The following MAP4 variants were observed in gnomAD, a reference collection of about 807,000 sequenced individuals.
The protein encoded by MAP4 is microtubule associated protein 4.
Under a neutral mutation model 170.2 loss-of-function variants are expected in MAP4, and 76 were observed. The observed-to-expected ratio is 0.45, with a 90% CI of 0.37 to 0.54. The LOEUF (loss-of-function observed/expected upper bound fraction) is 0.54, where lower values mean the gene tolerates loss of function less well. Among genes scored for constraint, MAP4 ranks in the 20% least tolerant of loss-of-function variants. The probability of loss-of-function intolerance (pLI) is 0.00; values close to 1 mark genes in which losing one functional copy is unlikely to be tolerated. For synonymous variants in MAP4, 909 were observed against 994.5 expected (o/e 0.91, Z 1.62); for missense variants, 2,506 against 2,748.0 (o/e 0.91, Z 1.97).
intron 3 of MAP4, among the ~76,000 whole-genome samples, chr3:47,939,391 T>C (rs1276476594): frequency 6.6e-6 from 1 of 152,216 alleles, no homozygotes; most frequent in African/African-American, 2.4e-5. Context: ...GTGCTTTTAC[T>C]ACTTTTATTT....
intron 1 of MAP4, among the ~76,000 whole-genome samples, chr3:48,078,953 T>C (rs1216621391): frequency 6.6e-6 from 1 of 152,094 alleles, no homozygotes; most frequent in Non-Finnish European, 1.5e-5. Flanking sequence ...AAAAGATCAC[T>C]TGAGCCTAGG....
At chr3:47,985,180 T>C (rs968214909) in intron 2 of MAP4, among the ~76,000 whole-genome samples, 14 of 152,084 alleles carry the variant, frequency 9.2e-5, no homozygotes, top group African/African-American at 3.4e-4. Context: ...CTCGGGAGGC[T>C]GAGGCAGGAG....
intron 4 of MAP4, 89 bp downstream of exon 4, chr3:47,928,139 T>G (rs1275060411): frequency 1.4e-5 from 21 of 1,516,436 alleles, no homozygotes; most frequent in African/African-American, 2.8e-5. Flanking sequence ...ATACTTAAGC[T>G]AAAGCATTTT....
At chr3:48,030,136 C>T (rs1463816551) in intron 1 of MAP4, among the ~76,000 whole-genome samples, 1 of 149,768 alleles carries the variant, frequency 6.7e-6, no homozygotes, top group East Asian at 1.9e-4. Flanking sequence ...CGTCTGTAAT[C>T]CCACCACTTT....
At chr3:48,076,375 A>G (rs930065279) in intron 1 of MAP4, among the ~76,000 whole-genome samples, 3 of 151,796 alleles carry the variant, frequency 2.0e-5, no homozygotes, top group African/African-American at 7.3e-5. Context: ...GGTGGTGGGC[A>G]CCTGTAGTCC....
chr3:47,853,398 G>A, intron 19 of MAP4, 46 bp from the exon 20 acceptor site: 1 of 1,271,090 alleles, frequency 7.9e-7, no homozygotes, highest in Non-Finnish European at 1.1e-6. Flanking sequence ...AGTCGAGGGG[G>A]GGAGTGGGAT....
intron 3 of MAP4, among the ~76,000 whole-genome samples, chr3:47,962,106 C>T (rs2100071914): frequency 6.6e-6 from 1 of 152,136 alleles, no homozygotes; most frequent in African/African-American, 2.4e-5. Flanking sequence ...AACTTCCAGC[C>T]CCTTTTCCAG....
At chr3:48,036,239 T>C (rs1230850728) in intron 1 of MAP4, among the ~76,000 whole-genome samples, 6 of 152,236 alleles carry the variant, frequency 3.9e-5, no homozygotes, top group Non-Finnish European at 5.9e-5. Flanking sequence ...GCTATGATAA[T>C]AGCCTTTAAC....
intron 1 of MAP4, among the ~76,000 whole-genome samples, chr3:48,023,478 C>G (rs1385740886): frequency 2.6e-5 from 4 of 152,202 alleles, no homozygotes. Context: ...CTGAAATCAA[C>G]TGAAAGACTT....
intron 3 of MAP4, among the ~76,000 whole-genome samples, chr3:47,941,247 A>G (rs923957556): frequency 6.9e-6 from 1 of 145,066 alleles, no homozygotes; most frequent in East Asian, 2.0e-4. Context: ...AAAAAAAAAA[A>G]GGAAGAAGAA....
chr3:47,989,626 T>G (rs957971195), intron 2 of MAP4, among the ~76,000 whole-genome samples: 1 of 152,116 alleles, frequency 6.6e-6, no homozygotes, highest in Admixed American at 6.5e-5. Flanking sequence ...CTACTATACA[T>G]ACAACACCTC....
intron 1 of MAP4, among the ~76,000 whole-genome samples, chr3:48,085,959 G>A (rs1177122389): frequency 2.0e-5 from 3 of 152,190 alleles, no homozygotes; most frequent in Non-Finnish European, 4.4e-5. Flanking sequence ...GGCTGAGGCA[G>A]GAGAATCACT....
intron 9 of MAP4, among the ~76,000 whole-genome samples, chr3:47,903,449 C>T (rs1042086011): frequency 1.3e-5 from 2 of 150,626 alleles, no homozygotes; most frequent in South Asian, 2.1e-4. Flanking sequence ...AGGAGAACGG[C>T]GTGAACCTGG....
intron 1 of MAP4, among the ~76,000 whole-genome samples, chr3:48,061,520 G>A (rs1291157116): frequency 9.9e-5 from 15 of 152,206 alleles, no homozygotes; most frequent in Admixed American, 7.9e-4. Flanking sequence ...CTGGAGTGCA[G>A]TGGCGTGATC....
chr3:47,876,020 C>T (rs964969820), intron 11 of MAP4, 120 bp from the exon 12 acceptor site: 8 of 723,950 alleles, frequency 1.1e-5, no homozygotes, highest in Middle Eastern at 3.9e-4. Flanking sequence ...AAATTATAAG[C>T]AATGAGGATA....
intron 1 of MAP4, among the ~76,000 whole-genome samples, chr3:48,047,476 A>G (rs2100125194): frequency 6.6e-6 from 1 of 152,164 alleles, no homozygotes; most frequent in African/African-American, 2.4e-5. Flanking sequence ...GGAGGAAGCC[A>G]TGGTGGCTGA....
chr3:48,082,967 T>C lies in MAP4; in HGVS notation c.-20+5806A>G, dbSNP rs947165860. Reference sequence around the variant, plus strand: ...ACCAGAAAACCCAAAATGAGAACCATTCTACAAATGCATGACCACTCATCT... The same window carrying C: ...ACCAGAAAACCCAAAATGAGAACCACTCTACAAATGCATGACCACTCATCT... On this transcript the variant is annotated intron_variant, in intron 1 of 18. Coordinates refer to the MAP4 transcript ENST00000360240. Among the ~76,000 whole-genome samples, 3 of 152,196 alleles carry C rather than the reference T, an allele frequency of 2.0e-5. No homozygotes were observed. The South Asian group carries it at 6.2e-4, about 32-fold the overall frequency.
At chr3:47,963,715 C>A (rs746091603) in intron 3 of MAP4, among the ~76,000 whole-genome samples, 1 of 152,082 alleles carries the variant, frequency 6.6e-6, no homozygotes, top group Admixed American at 6.6e-5. Flanking sequence ...CAGCAGTGAC[C>A]AAAACAAAAG....
chr3:48,062,241 G>A lies in MAP4; in HGVS notation c.-20+26532C>T, dbSNP rs569277288. Reference sequence around the variant, plus strand: ...TGAAACATGTGCTGTGTCCACTCAGGGTTAAATGGATTAAGGGCGGAGCAA... The same window carrying A: ...TGAAACATGTGCTGTGTCCACTCAGAGTTAAATGGATTAAGGGCGGAGCAA... On this transcript the variant is annotated intron_variant, in intron 1 of 18. Transcript: ENST00000360240. Among the ~76,000 whole-genome samples, 19 of 152,190 alleles carry A rather than the reference G, an allele frequency of 1.2e-4. No homozygotes were observed. The Middle Eastern group carries it at 0.01, about 82-fold the overall frequency.
Sources: allele counts gnomAD v4.1 joint callset (sites outside exome capture counted in the v4.1 genomes callset), GRCh38; gene constraint gnomAD v4.1.1; transcripts MANE v1.5; gene names NCBI Gene and HGNC (gene_info 2026-07-23, HGNC 2026-07-21).